Variants in ATP13A5 observed in about 807,000 individuals in gnomAD.
ATP13A5 encodes probable cation-transporting ATPase 13A5.
ATP13A5 carries 149 observed loss-of-function variants against 150.2 expected under a neutral mutation model. That is an observed-to-expected ratio of 0.99 (90% CI 0.87 to 1.14). ATP13A5 has a LOEUF of 1.14. Among genes scored for constraint, ATP13A5 ranks in the 50% most tolerant of loss-of-function variants. The pLI is 0.00. For missense variants in ATP13A5, 1,383 were observed against 1,449.3 expected (o/e 0.95, Z 0.74); for synonymous variants, 497 against 522.2 (o/e 0.95, Z 0.66).
At chr3:193,378,019 C>T (rs944890372) in intron 1 of ATP13A5, among the ~76,000 whole-genome samples, 5 of 152,102 alleles carry the variant, frequency 3.3e-5, no homozygotes, top group Admixed American at 6.5e-5. Context: ...TAAATATAAA[C>T]ACCTCAGCAC....
Position 193,285,012 on chromosome 3 carries a change from T to TA in ATP13A5, c.3127_3128insT (p.Glu1043ValfsTer22), listed in dbSNP as rs746914016. 51 of 1,614,104 alleles carry TA rather than the reference T, an allele frequency of 3.2e-5. No individual in the cohort carries two copies. In the African/African-American group the frequency reaches 5.7e-4, roughly 18 times the overall value. On this transcript the variant is annotated frameshift_variant, in exon 27 of 30. Transcript: ENST00000342358. LOFTEE classifies it high-confidence loss of function. ...GGTGATGGGCCACAGTGTGGTGGTC[T>TA]CAAAACTTAAAATTGAACCAGGAAT...
At chr3:193,330,694 G>T (rs1027516208) in intron 12 of ATP13A5, among the ~76,000 whole-genome samples, 1 of 152,238 alleles carries the variant, frequency 6.6e-6, no homozygotes, top group Non-Finnish European at 1.5e-5. Flanking sequence ...AAAGGGGCAG[G>T]ACAGGGTCAT....
At chr3:193,282,181 C>T (rs901219357) in intron 27 of ATP13A5, among the ~76,000 whole-genome samples, 1 of 151,850 alleles carries the variant, frequency 6.6e-6, no homozygotes, top group Non-Finnish European at 1.5e-5. Flanking sequence ...GGTGAAAGAG[C>T]AAGACTCCAT....
chr3:193,375,956 C>T (rs977156541), intron 1 of ATP13A5, among the ~76,000 whole-genome samples: 5 of 152,154 alleles, frequency 3.3e-5, no homozygotes, highest in Non-Finnish European at 7.3e-5. Context: ...ACGATCACAA[C>T]GGATTGTTCA....
chr3:193,363,055 G>T (rs909032895), intron 3 of ATP13A5, among the ~76,000 whole-genome samples, 181 bp downstream of exon 3: 1 of 152,064 alleles, frequency 6.6e-6, no homozygotes, highest in African/African-American at 2.4e-5. Flanking sequence ...GCCCACATTG[G>T]CCTCCCAAAA....
intron 1 of ATP13A5, among the ~76,000 whole-genome samples, chr3:193,368,100 A>G (rs895745090): frequency 1.3e-5 from 2 of 152,282 alleles, no homozygotes; most frequent in South Asian, 4.1e-4. Context: ...TACAAAGTAT[A>G]AGAGTTAATA....
At chr3:193,322,910 G>A (rs948543756) in intron 14 of ATP13A5, among the ~76,000 whole-genome samples, 16 of 152,118 alleles carry the variant, frequency 1.1e-4, no homozygotes, top group African/African-American at 3.4e-4. Flanking sequence ...CAACATTGCC[G>A]AGCACCATAG....
chr3:193,372,432 C>T (rs1378477515), intron 1 of ATP13A5: 1 of 154,722 alleles, frequency 6.5e-6, no homozygotes, highest in African/African-American at 2.4e-5. Flanking sequence ...CTTTGGGAAA[C>T]TGTTTCTAAT....
At chr3:193,319,405 C>T (rs113556712) in intron 16 of ATP13A5, among the ~76,000 whole-genome samples, 1 of 152,100 alleles carries the variant, frequency 6.6e-6, no homozygotes, top group African/African-American at 2.4e-5. Context: ...GGAGGTGGGG[C>T]CTTCAGGAGG....
At chr3:193,341,518 G>A (rs1448614809) in intron 9 of ATP13A5, among the ~76,000 whole-genome samples, 2 of 152,170 alleles carry the variant, frequency 1.3e-5, no homozygotes, top group Non-Finnish European at 2.9e-5. Flanking sequence ...ATGCAACAAG[G>A]TTGTGGAAAC....
Position 193,290,056 on chromosome 3 carries a change from C to A in ATP13A5, c.2852G>T (p.Ser951Ile). 2 of 1,598,028 alleles carry A rather than the reference C, an allele frequency of 1.3e-6. No individual in the cohort carries two copies. The highest frequency in any genetic ancestry group is 1.7e-6 in the Non-Finnish European group (2 of 1,174,980). ...AITLMVCLTMSSTHAYPKLAP... is the reference protein window; with the variant it reads ...AITLMVCLTMISTHAYPKLAP... ...CAGCTTTGGGTAGGCATGAGTTGAA[C>A]TCACTGAAAGACAAATACATTTTTT... is the stretch of plus-strand genomic sequence containing the variant. The change falls in exon 26 of 30, where the codon AGT (serine) becomes ATT (isoleucine). Residue 951 changes from serine (S) to isoleucine (I), a missense_variant. Transcript: ENST00000342358.
intron 1 of ATP13A5, among the ~76,000 whole-genome samples, chr3:193,368,921 C>A (rs1041137101): frequency 6.6e-6 from 1 of 152,128 alleles, no homozygotes; most frequent in African/African-American, 2.4e-5. Context: ...AAAAGAAAGA[C>A]AAAACAAATG....
At chr3:193,315,238 T>C in intron 17 of ATP13A5, 142 bp from the exon 18 acceptor site, 1 of 888,910 alleles carries the variant, frequency 1.1e-6, no homozygotes, top group Non-Finnish European at 1.6e-6. Context: ...TAAAAGCTTA[T>C]AATGAAAACC....
intron 9 of ATP13A5, among the ~76,000 whole-genome samples, chr3:193,342,965 C>T (rs957690131): frequency 3.9e-5 from 6 of 152,136 alleles, no homozygotes; most frequent in Non-Finnish European, 8.8e-5. Flanking sequence ...GGACACATTT[C>T]AACACATTAA....
At chr3:193,371,807 A>T (rs1177178007) in intron 1 of ATP13A5, among the ~76,000 whole-genome samples, 2 of 152,158 alleles carry the variant, frequency 1.3e-5, no homozygotes, top group Admixed American at 1.3e-4. Flanking sequence ...GGTCAGGTGT[A>T]CCCAATCTCC....
At chr3:193,293,553 T>C (rs1718049464) in intron 25 of ATP13A5, among the ~76,000 whole-genome samples, 1 of 152,110 alleles carries the variant, frequency 6.6e-6, no homozygotes, top group South Asian at 2.1e-4. Flanking sequence ...GCACAGGATC[T>C]ATTGCATGGG....
intron 27 of ATP13A5, among the ~76,000 whole-genome samples, chr3:193,282,420 G>A (rs550101526): frequency 1.7e-4 from 26 of 152,058 alleles, no homozygotes; most frequent in African/African-American, 6.3e-4. Flanking sequence ...TGTTGCCAAG[G>A]CTGGAGTCCA....
intron 23 of ATP13A5, among the ~76,000 whole-genome samples, chr3:193,304,306 T>A (rs1369045185): frequency 1.3e-5 from 2 of 151,918 alleles, no homozygotes; most frequent in Non-Finnish European, 2.9e-5. Flanking sequence ...GCAGGGGAAG[T>A]GATCGTGTTT....
chr3:193,336,846 C>T (rs1711887565), intron 9 of ATP13A5, among the ~76,000 whole-genome samples: 2 of 152,182 alleles, frequency 1.3e-5, no homozygotes, highest in Non-Finnish European at 2.9e-5. Flanking sequence ...AGTTTACAGT[C>T]CCACCAACAG....
Sources: allele counts gnomAD v4.1 joint callset (sites outside exome capture counted in the v4.1 genomes callset), GRCh38; gene constraint gnomAD v4.1.1; transcripts MANE v1.5; gene names NCBI Gene and HGNC (gene_info 2026-07-23, HGNC 2026-07-21).